LINGO1: variants seen among roughly 807,000 people sequenced by gnomAD.
The protein encoded by LINGO1 is leucine-rich repeat and immunoglobulin-like domain-containing nogo receptor-interacting protein 1.
LINGO1 carries 11 observed loss-of-function variants against 37.3 expected under a neutral mutation model. The observed-to-expected ratio is 0.29, with a 90% CI of 0.19 to 0.49. The LOEUF is 0.49. LINGO1 is among the 20% of genes least tolerant of loss of function. LINGO1 has a pLI of 0.99. For synonymous variants in LINGO1, 387 were observed against 403.0 expected (o/e 0.96, Z 0.48); for missense variants, 585 against 878.2 (o/e 0.67, Z 4.22).
At chr15:77,688,528 C>T (rs1483435417) in intron 2 of LINGO1, among the ~76,000 whole-genome samples, 1 of 152,176 alleles carries the variant, frequency 6.6e-6, no homozygotes, top group Non-Finnish European at 1.5e-5. Context: ...TGTACTGGGG[C>T]CACCGCGGCA....
At chr15:77,626,874 C>T (rs2074105191) in intron 1 of LINGO1, among the ~76,000 whole-genome samples, 1 of 152,168 alleles carries the variant, frequency 6.6e-6, no homozygotes, top group African/African-American at 2.4e-5. Flanking sequence ...CTGCTGGGAT[C>T]TACACCTCAG....
At chr15:77,764,111 C>T (rs1223115156) in intron 1 of LINGO1, among the ~76,000 whole-genome samples, 2 of 152,240 alleles carry the variant, frequency 1.3e-5, no homozygotes, top group African/African-American at 4.8e-5. Flanking sequence ...AAGCCTTGTG[C>T]ACTGTATGCA....
At chr15:77,634,101 C>A (rs1165138220), upstream of LINGO1, among the ~76,000 whole-genome samples, 4 of 152,184 alleles carry the variant, frequency 2.6e-5, no homozygotes, top group African/African-American at 9.7e-5. Flanking sequence ...CAAAGCCTCT[C>A]GGATTCTGGG....
intron 1 of LINGO1, among the ~76,000 whole-genome samples, chr15:77,737,076 C>A (rs976709453): frequency 6.6e-6 from 1 of 152,192 alleles, no homozygotes; most frequent in Non-Finnish European, 1.5e-5. Context: ...AAAAAAATAT[C>A]CTGTCTCATT....
chr15:77,641,266 G>A (rs952189182), intron 3 of LINGO1, among the ~76,000 whole-genome samples: 13 of 152,172 alleles, frequency 8.5e-5, no homozygotes, highest in Admixed American at 7.9e-4. Context: ...CAGCTGATGG[G>A]TCCCCATGCC....
At chr15:77,805,329 C>G (rs760228096) in intron 1 of LINGO1, among the ~76,000 whole-genome samples, 4 of 152,206 alleles carry the variant, frequency 2.6e-5, no homozygotes, top group Admixed American at 6.5e-5. Flanking sequence ...GGCAGGGGTG[C>G]ACCATATGAC....
intron 3 of LINGO1, among the ~76,000 whole-genome samples, chr15:77,656,412 C>T (rs1446403807): frequency 1.3e-5 from 2 of 152,216 alleles, no homozygotes; most frequent in East Asian, 3.9e-4. Context: ...CAGAAGCCTA[C>T]ACCGCCTGCG....
intron 1 of LINGO1, chr15:77,785,168 G>C (rs1185766020): frequency 6.6e-6 from 1 of 152,238 alleles, no homozygotes; most frequent in East Asian, 1.9e-4. Flanking sequence ...GAGTGAGTCT[G>C]ACTCAGGGCC....
chr15:77,653,074 C>A (rs79049658), intron 3 of LINGO1, among the ~76,000 whole-genome samples: 5 of 152,140 alleles, frequency 3.3e-5, no homozygotes, highest in African/African-American at 9.7e-5. Context: ...GGTGGGGACA[C>A]GGACATAGGC....
Position 77,615,559 on chromosome 15 carries a change from G to T in LINGO1, c.348C>A (p.Asn116Lys). The T allele has an allele frequency of 6.2e-7, 1 of 1,612,866 alleles. No homozygotes were observed. Among genetic ancestry groups the T allele is most frequent in the Non-Finnish European group, 8.5e-7 (1 of 1,179,378 alleles). The change falls in exon 2 of 2, where the codon AAC becomes AAA. Residue 116 changes from asparagine (N) to lysine (K), a missense_variant. By Grantham distance (94) the Asn-to-Lys change is moderately conservative (BLOSUM62 0). Transcript: ENST00000355300. ...IVSAVEPGAF[N>K]NLFNLRTLGL... is the part of the protein sequence containing the mutation. The stretch of plus-strand genomic sequence containing the variant: ...CCAGCGTCCGGAGGTTGAAGAGGTT[G>T]TTGAAGGCGCCGGGCTCCACGGCGC...
At chr15:77,751,249 A>T (rs2076368206) in intron 1 of LINGO1, among the ~76,000 whole-genome samples, 1 of 152,100 alleles carries the variant, frequency 6.6e-6, no homozygotes, top group Non-Finnish European at 1.5e-5. Flanking sequence ...AGTCAATCCA[A>T]CCCTGTCTAC....
intron 3 of LINGO1, among the ~76,000 whole-genome samples, chr15:77,669,699 T>C (rs547537510): frequency 3.9e-5 from 6 of 152,326 alleles, no homozygotes; most frequent in Non-Finnish European, 7.3e-5. Context: ...AATCAAGGGC[T>C]GAAAACCTAG....
intron 1 of LINGO1, among the ~76,000 whole-genome samples, chr15:77,818,562 G>A (rs1443654074): frequency 6.6e-6 from 1 of 152,036 alleles, no homozygotes; most frequent in East Asian, 1.9e-4. Context: ...CGGGTGGGGC[G>A]CGCCTTGCGG....
At chr15:77,639,320 A>G (rs1400973458), upstream of LINGO1, among the ~76,000 whole-genome samples, 1 of 151,726 alleles carries the variant, frequency 6.6e-6, no homozygotes, top group East Asian at 1.9e-4. Context: ...AGATAATTAA[A>G]CTCATGCTCC....
At chr15:77,790,701 G>A (rs2076811912), upstream of LINGO1, among the ~76,000 whole-genome samples, 1 of 152,198 alleles carries the variant, frequency 6.6e-6, no homozygotes, top group African/African-American at 2.4e-5. Context: ...CCCCCGCTGG[G>A]TTTGGGGGGG....
At chr15:77,771,009 C>G (rs1169313090) in intron 1 of LINGO1, among the ~76,000 whole-genome samples, 2 of 152,212 alleles carry the variant, frequency 1.3e-5, no homozygotes, top group Non-Finnish European at 2.9e-5. Flanking sequence ...ACCTCTGACA[C>G]AACACCTCTC....
At chr15:77,730,821 C>T (rs533756918) in intron 2 of LINGO1, among the ~76,000 whole-genome samples, 2 of 152,350 alleles carry the variant, frequency 1.3e-5, no homozygotes, top group South Asian at 2.1e-4. Context: ...GTGGCCCATG[C>T]CTCCCTCAGG....
intron 1 of LINGO1, among the ~76,000 whole-genome samples, chr15:77,751,927 C>T (rs2076376029): frequency 6.6e-6 from 1 of 152,198 alleles, no homozygotes; most frequent in African/African-American, 2.4e-5. Context: ...GTGCCAGGTG[C>T]TTTGTTCCAT....
intron 2 of LINGO1, among the ~76,000 whole-genome samples, chr15:77,794,590 A>ATATATATT (rs1381588807): frequency 1.1e-5 from 1 of 93,526 alleles, no homozygotes; most frequent in African/African-American, 4.1e-5. Context: ...ATATATATAT[A>ATATATATT]TTTTTTTTTT....
Sources: allele counts gnomAD v4.1 joint callset (sites outside exome capture counted in the v4.1 genomes callset), GRCh38; gene constraint gnomAD v4.1.1; transcripts MANE v1.5; gene names NCBI Gene and HGNC (gene_info 2026-07-23, HGNC 2026-07-21).